TEKTIP1: variants seen among roughly 807,000 people sequenced by gnomAD.
TEKTIP1 encodes tektin bundle interacting protein 1.
chr19:3,543,997 C>A, the TEKTIP1 span: 1 of 1,542,388 alleles, frequency 6.5e-7, no homozygotes, highest in Non-Finnish European at 8.8e-7. Flanking sequence ...TCCCTCACAC[C>A]CACTCCCCGA....
chr19:3,542,149 T>C, the TEKTIP1 span: 16 of 985,394 alleles, frequency 1.6e-5, no homozygotes, highest in Non-Finnish European at 1.9e-5. Context: ...AAGCTACATG[T>C]GTCTTGCAAT....
the TEKTIP1 span, chr19:3,542,703 G>A: frequency 2.6e-3 from 3,353 of 1,267,426 alleles, 4 homozygotes; most frequent in Non-Finnish European, 3.3e-3. Context: ...GGCTGGTCTC[G>A]AACTCCTGAC....
the TEKTIP1 span, chr19:3,543,477 A>C: frequency 4.9e-6 from 7 of 1,424,440 alleles, no homozygotes; most frequent in African/African-American, 1.8e-5. Flanking sequence ...CCATCGGGTG[A>C]GTGCCCCCCC....
chr19:3,543,486 C>CCCCCCG, the TEKTIP1 span: 58 of 1,518,326 alleles, frequency 3.8e-5, 1 homozygote, highest in African/African-American at 7.5e-4. Flanking sequence ...GAGTGCCCCC[C>CCCCCCG]CCCCCGCCCT....
the TEKTIP1 span, chr19:3,539,588 A>T: frequency 3.0e-6 from 1 of 329,140 alleles, no homozygotes; most frequent in Non-Finnish European, 5.7e-6. Context: ...TGTGGCTGAG[A>T]GAGTCTGTCC....
chr19:3,540,517 A>G, the TEKTIP1 span, among the ~76,000 whole-genome samples: 15 of 151,084 alleles, frequency 9.9e-5, no homozygotes, highest in Admixed American at 5.9e-4. Context: ...TGGCCTCCCA[A>G]AGTGCTGGGA....
the TEKTIP1 span, chr19:3,543,734 A>T: frequency 6.7e-7 from 1 of 1,494,694 alleles, no homozygotes; most frequent in Non-Finnish European, 9.0e-7. Context: ...AAGGCCACCT[A>T]GGCCAGGGTG....
the TEKTIP1 span, among the ~76,000 whole-genome samples, chr19:3,541,400 GCA>G: frequency 6.7e-6 from 1 of 150,218 alleles, no homozygotes; most frequent in Non-Finnish European, 1.5e-5. Context: ...TCAGCTCACT[GCA>G]ACCTCTGCCT....
the TEKTIP1 span, chr19:3,541,858 G>C: frequency 1.1e-6 from 1 of 934,624 alleles, no homozygotes; most frequent in Admixed American, 6.2e-5. Context: ...ACCCAGGCTG[G>C]AGTGCAGTGA....
chr19:3,543,528 T>TGACC, the TEKTIP1 span: 8 of 1,365,242 alleles, frequency 5.9e-6, no homozygotes. Flanking sequence ...GGGACAGGAA[T>TGACC]GACCGCCAGC....
chr19:3,543,485 C>T, the TEKTIP1 span: 12 of 1,516,496 alleles, frequency 7.9e-6, no homozygotes, highest in Non-Finnish European at 1.1e-5. Context: ...TGAGTGCCCC[C>T]CCCCCCGCCC....
At chr19:3,542,605 C>T in the TEKTIP1 span, 1 of 748,648 alleles carries the variant, frequency 1.3e-6, no homozygotes, top group African/African-American at 1.9e-5. Flanking sequence ...TCCTGAGTAG[C>T]TGGGATTACA....
At chr19:3,539,250 C>T in the TEKTIP1 span, 5 of 1,549,262 alleles carry the variant, frequency 3.2e-6, no homozygotes, top group South Asian at 1.2e-5. Flanking sequence ...CTTCCCAGCA[C>T]CGCTGTACAG....
At chr19:3,543,112 G>C in the TEKTIP1 span, 1 of 1,524,092 alleles carries the variant, frequency 6.6e-7, no homozygotes, top group Non-Finnish European at 8.8e-7. Flanking sequence ...TCCAAGTGGC[G>C]AGGGAGGGAG....
the TEKTIP1 span, chr19:3,539,487 GC>G: frequency 1.9e-6 from 1 of 540,534 alleles, no homozygotes; most frequent in East Asian, 2.9e-5. Flanking sequence ...TGTGTCTGCG[GC>G]CGTCTCCAAG....
the TEKTIP1 span, chr19:3,541,677 A>T: frequency 1.0e-6 from 1 of 985,356 alleles, no homozygotes; most frequent in Non-Finnish European, 1.2e-6. Context: ...GGCTCCCGCA[A>T]GTGTGTAATA....
the TEKTIP1 span, chr19:3,543,634 G>T: frequency 6.5e-7 from 1 of 1,544,326 alleles, no homozygotes; most frequent in Non-Finnish European, 8.7e-7. Context: ...GCACCCGGTG[G>T]GGGAGCGCGC....
At chr19:3,541,871 C>T in the TEKTIP1 span, 2 of 884,170 alleles carry the variant, frequency 2.3e-6, no homozygotes, top group Non-Finnish European at 2.7e-6. Flanking sequence ...TGCAGTGACG[C>T]AATCTCGGCT....
At chr19:3,543,478 G>C in the TEKTIP1 span, 6 of 1,505,226 alleles carry the variant, frequency 4.0e-6, no homozygotes, top group African/African-American at 9.7e-5. Context: ...CATCGGGTGA[G>C]TGCCCCCCCC....
Sources: allele counts gnomAD v4.1 joint callset (sites outside exome capture counted in the v4.1 genomes callset), GRCh38; gene constraint gnomAD v4.1.1; transcripts MANE v1.5; gene names NCBI Gene and HGNC (gene_info 2026-07-23, HGNC 2026-07-21).